Variants in SPOCK1 observed in about 807,000 individuals in gnomAD.
SPOCK1 encodes the protein testican-1.
SPOCK1 carries 23 observed loss-of-function variants against 55.3 expected under a neutral mutation model. The ratio of observed to expected loss-of-function variants is 0.42; its 90% CI spans 0.30 to 0.59. SPOCK1 has a LOEUF of 0.59. SPOCK1 is among the 20% of genes least tolerant of loss of function. SPOCK1 has a pLI of 0.22. For synonymous variants in SPOCK1, 226 were observed against 221.0 expected (o/e 1.02, Z -0.20); for missense variants, 499 against 552.5 (o/e 0.90, Z 0.97).
Position 137,193,863 on chromosome 5 carries a change from G to C in SPOCK1, c.233-53169C>G, listed in dbSNP as rs187642627. Among the ~76,000 whole-genome samples the C allele has an allele frequency of 1.4e-3, 218 of 152,332 alleles. 2 individuals are homozygous for C. The highest frequency in any genetic ancestry group is 0.013 in the Admixed American group (196 of 15,302). ...TACATTAGCGGTAATAACATGGAGG[G>C]CTATAGGTACAGGGTGCCGGTAATT... On this transcript the variant is annotated intron_variant, in intron 3 of 10. Coordinates refer to ENST00000394945, the MANE Select transcript of SPOCK1 (RefSeq NM_004598.4).
At chr5:137,016,886 T>C (rs189000168) in intron 6 of SPOCK1, among the ~76,000 whole-genome samples, 5 of 152,316 alleles carry the variant, frequency 3.3e-5, no homozygotes, top group African/African-American at 1.2e-4. Flanking sequence ...TGGAACCTAG[T>C]GGGGAGTAAA....
intron 2 of SPOCK1, among the ~76,000 whole-genome samples, chr5:137,349,867 C>A (rs965354364): frequency 1.3e-5 from 2 of 152,134 alleles, no homozygotes; most frequent in Non-Finnish European, 2.9e-5. Flanking sequence ...CTCAGAGTAA[C>A]CTGATTACCT....
At chr5:137,016,927 T>G (rs1751457945) in intron 6 of SPOCK1, among the ~76,000 whole-genome samples, 1 of 152,218 alleles carries the variant, frequency 6.6e-6, no homozygotes, top group Non-Finnish European at 1.5e-5. Context: ...GGCTTTGTTT[T>G]GGGTACAGGT....
At position 136,978,462 on chromosome 5, in the gene SPOCK1, C is replaced by A; in HGVS notation, c.*192G>T. The A allele has an allele frequency of 2.1e-6, 1 of 472,250 alleles. No individual in the cohort carries two copies. The highest frequency in any genetic ancestry group is 3.6e-6 in the Non-Finnish European group (1 of 281,216). 29.3% of individuals were successfully genotyped at this position (472,250 alleles called of 1,614,324 possible). On this transcript the variant is annotated 3_prime_UTR_variant, in exon 11 of 11. Transcript: ENST00000394945. ...CAACAACAAAAAAAAAACACAACAC[C>A]CTTTCTCCCATACAAACATATGCAA...
At chr5:137,471,242 T>C (rs190261163) in intron 2 of SPOCK1, among the ~76,000 whole-genome samples, 9 of 152,336 alleles carry the variant, frequency 5.9e-5, no homozygotes, top group Admixed American at 5.9e-4. Flanking sequence ...ATTTATTTTT[T>C]ACATAATTAG....
At chr5:137,382,311 C>T (rs773716112) in intron 2 of SPOCK1, among the ~76,000 whole-genome samples, 74 of 152,198 alleles carry the variant, frequency 4.9e-4, no homozygotes, top group Non-Finnish European at 1.5e-4. Context: ...TTTCCCACAT[C>T]TTTCTGTCTT....
chr5:137,080,123 A>C (rs1203391119), intron 5 of SPOCK1, among the ~76,000 whole-genome samples: 1 of 152,222 alleles, frequency 6.6e-6, no homozygotes, highest in Non-Finnish European at 1.5e-5. Context: ...GCATTGTGCT[A>C]AAAGTTTTAC....
chr5:137,288,269 A>G (rs1757303481), intron 2 of SPOCK1, among the ~76,000 whole-genome samples: 2 of 152,174 alleles, frequency 1.3e-5, no homozygotes, highest in Admixed American at 1.3e-4. Flanking sequence ...TTGAAAGAAC[A>G]AGTAATGGCA....
At position 137,440,264 on chromosome 5, in the gene SPOCK1, A is replaced by G. The variant is rs781268665; in HGVS notation, c.186+58109T>C. Among the ~76,000 whole-genome samples the G allele has an allele frequency of 7.7e-5, 11 of 142,574 alleles. 1 individual carries two copies. Among genetic ancestry groups the G allele is most frequent in the Non-Finnish European group, 3.1e-5 (2 of 65,382 alleles). The allele number at this position is 142,574 out of a possible 152,430, so 93.5% of individuals were successfully genotyped here. On this transcript the variant is annotated intron_variant, in intron 2 of 10. Coordinates refer to ENST00000394945, the MANE Select transcript of SPOCK1 (RefSeq NM_004598.4). ...CACAGACATGGAAAAGTTAATAGAG[A>G]GTTGAAAGATAAACTTGAGAAAAGC...
chr5:137,429,963 C>A (rs1445374584), intron 2 of SPOCK1, among the ~76,000 whole-genome samples: 1 of 152,222 alleles, frequency 6.6e-6, no homozygotes, highest in Non-Finnish European at 1.5e-5. Flanking sequence ...TGTTCTAGGA[C>A]ACCTTGTGAA....
At chr5:137,359,289 C>T (rs759965180) in intron 2 of SPOCK1, among the ~76,000 whole-genome samples, 5 of 152,114 alleles carry the variant, frequency 3.3e-5, no homozygotes, top group Admixed American at 6.5e-5. Flanking sequence ...TCTGGCTGTT[C>T]GTCACTAGGA....
chr5:137,436,617 A>G (rs1490627241), intron 2 of SPOCK1, among the ~76,000 whole-genome samples: 1 of 152,200 alleles, frequency 6.6e-6, no homozygotes. Context: ...ATAATTTGAC[A>G]CAATCCAAAA....
intron 2 of SPOCK1, among the ~76,000 whole-genome samples, chr5:137,350,568 G>A (rs950275397): frequency 1.3e-5 from 2 of 152,094 alleles, no homozygotes; most frequent in African/African-American, 4.8e-5. Context: ...GAAATGTCTA[G>A]AAGGCTGGAC....
chr5:137,328,189 T>A (rs1203547554), intron 2 of SPOCK1, among the ~76,000 whole-genome samples: 1 of 152,182 alleles, frequency 6.6e-6, no homozygotes, highest in East Asian at 1.9e-4. Context: ...TTCTGTAGAA[T>A]CTGTACATCT....
intron 2 of SPOCK1, among the ~76,000 whole-genome samples, chr5:137,363,184 C>T (rs1174751420): frequency 2.0e-5 from 3 of 152,132 alleles, no homozygotes; most frequent in Non-Finnish European, 4.4e-5. Context: ...GGGCATCTGC[C>T]CTGTAAGTAC....
At chr5:137,012,849 T>C (rs1235473457) in intron 6 of SPOCK1, among the ~76,000 whole-genome samples, 1 of 152,202 alleles carries the variant, frequency 6.6e-6, no homozygotes, top group East Asian at 1.9e-4. Context: ...CTAGAAATAA[T>C]GTCTAATATT....
intron 2 of SPOCK1, among the ~76,000 whole-genome samples, chr5:137,390,540 G>T (rs1220139558): frequency 6.6e-6 from 1 of 152,194 alleles, no homozygotes; most frequent in Non-Finnish European, 1.5e-5. Flanking sequence ...GAGAAAAGGG[G>T]ACTGAGGACA....
chr5:137,317,702 A>G (rs1393979437), intron 2 of SPOCK1, among the ~76,000 whole-genome samples: 1 of 152,224 alleles, frequency 6.6e-6, no homozygotes, highest in Non-Finnish European at 1.5e-5. Context: ...TGGCATTCAC[A>G]GAAATAAAAC....
intron 5 of SPOCK1, among the ~76,000 whole-genome samples, chr5:137,087,162 C>G (rs1243169237): frequency 6.6e-6 from 1 of 152,212 alleles, no homozygotes; most frequent in African/African-American, 2.4e-5. Context: ...GAGCCAGGCA[C>G]AGTCTTTTTT....
Sources: allele counts gnomAD v4.1 joint callset (sites outside exome capture counted in the v4.1 genomes callset), GRCh38; gene constraint gnomAD v4.1.1; transcripts MANE v1.5; gene names NCBI Gene and HGNC (gene_info 2026-07-23, HGNC 2026-07-21).